SYT16: variants seen among roughly 807,000 people sequenced by gnomAD.
SYT16 encodes the protein synaptotagmin 16.
A neutral mutation model predicts 61.4 loss-of-function variants in SYT16; 42 were observed. That is an observed-to-expected ratio of 0.68 (90% CI 0.53 to 0.89). The LOEUF is 0.89. Among genes scored for constraint, SYT16 ranks in the 40% least tolerant of loss-of-function variants. The pLI is 0.00. For missense variants in SYT16, 804 were observed against 807.3 expected (o/e 1.00, Z 0.05); for synonymous variants, 314 against 302.3 (o/e 1.04, Z -0.40).
chr14:62,058,340 CT>C lies in SYT16; in HGVS notation c.524-11241del, dbSNP rs796187620. ...GTCAAATGTATGTTATGTTTAAATT[CT>C]TTTTTTTTTTTTTTTTTTTTTGAGA... On this transcript the variant is annotated intron_variant, in intron 3 of 7. Coordinates refer to ENST00000683842, the MANE Select transcript of SYT16 (RefSeq NM_001367656.1). 4.3e-3 allele frequency among the ~76,000 whole-genome samples: 469 copies of C among 108,992 alleles called. 2 individuals carry two copies. The highest frequency in any genetic ancestry group is 6.5e-3 in the South Asian group (22 of 3,404). 71.5% of individuals were successfully genotyped at this position (108,992 alleles called of 152,430 possible).
intron 1 of SYT16, among the ~76,000 whole-genome samples, chr14:61,839,162 C>T (rs2046226013): frequency 6.6e-6 from 1 of 152,170 alleles, no homozygotes; most frequent in African/African-American, 2.4e-5. Context: ...GTGTTGGAAA[C>T]GTAATCCCCA....
At chr14:62,050,994 A>T (rs556674035) in intron 3 of SYT16, among the ~76,000 whole-genome samples, 1 of 152,182 alleles carries the variant, frequency 6.6e-6, no homozygotes, top group Non-Finnish European at 1.5e-5. Flanking sequence ...ACTCTCTTCA[A>T]AACTGTCAGA....
intron 1 of SYT16, among the ~76,000 whole-genome samples, chr14:61,894,658 C>T (rs758582499): frequency 1.2e-4 from 19 of 152,032 alleles, no homozygotes; most frequent in Non-Finnish European, 2.4e-4. Context: ...ACAAGTGTGC[C>T]GCTAGGTGGC....
At chr14:62,087,099 T>A (rs1275817318) in intron 7 of SYT16, among the ~76,000 whole-genome samples, 1 of 152,230 alleles carries the variant, frequency 6.6e-6, no homozygotes, top group Non-Finnish European at 1.5e-5. Context: ...ATTATGGCAC[T>A]CACACTACTT....
chr14:61,915,079 G>T (rs936589974), intron 1 of SYT16, among the ~76,000 whole-genome samples: 7 of 151,984 alleles, frequency 4.6e-5, no homozygotes, highest in African/African-American at 1.7e-4. Context: ...TTTTTTTCAT[G>T]GATTTGTAGT....
intron 1 of SYT16, among the ~76,000 whole-genome samples, chr14:61,865,970 A>G (rs534618948): frequency 5.1e-4 from 78 of 152,326 alleles, no homozygotes; most frequent in African/African-American, 1.8e-3. Context: ...CTGTTTACTT[A>G]AGAAATTATT....
chr14:61,817,308 C>T (rs1232337836), intron 1 of SYT16, among the ~76,000 whole-genome samples: 1 of 151,222 alleles, frequency 6.6e-6, no homozygotes, highest in Non-Finnish European at 1.5e-5. Context: ...ATCCCAGCTA[C>T]TTGGGAGGCG....
rs2057529972 is a variant in SYT16 at position 62,107,233 on chromosome 14, A to T, written c.*6526A>T. On this transcript the variant is annotated 3_prime_UTR_variant, in exon 8 of 8. Transcript: ENST00000683842. ...AGAACAGCTTGCGTCCAGGATTTCTAGTCCAGCCTGGGCAACATAGTGAGA... is the reference window on the plus strand; with the variant it reads ...AGAACAGCTTGCGTCCAGGATTTCTTGTCCAGCCTGGGCAACATAGTGAGA... The T allele has an allele frequency of 6.6e-6, 1 of 152,126 alleles. No individual in the cohort carries two copies. Among genetic ancestry groups the T allele is most frequent in the Non-Finnish European group, 1.5e-5 (1 of 68,076 alleles). The allele number at this position is 152,126 out of a possible 1,614,324, so 9.4% of individuals were successfully genotyped here. A position where few individuals can be genotyped will look rare whatever the true frequency, so the allele number is the denominator to read the frequency against.
chr14:61,833,114 G>A (rs1243448022), intron 1 of SYT16, among the ~76,000 whole-genome samples: 1 of 152,050 alleles, frequency 6.6e-6, no homozygotes, highest in Non-Finnish European at 1.5e-5. Context: ...CTGTAAGGAC[G>A]GAGATTTTCA....
chr14:61,851,467 G>A (rs1202071174), intron 1 of SYT16, among the ~76,000 whole-genome samples: 1 of 150,764 alleles, frequency 6.6e-6, no homozygotes, highest in African/African-American at 2.4e-5. Context: ...CTGCCTCTAG[G>A]TCTTTGAGGA....
chr14:61,818,888 T>A (rs2045528968), intron 1 of SYT16, among the ~76,000 whole-genome samples: 1 of 152,212 alleles, frequency 6.6e-6, no homozygotes, highest in African/African-American at 2.4e-5. Context: ...CTCCTGTTTT[T>A]AAACCAAGAA....
chr14:62,004,385 C>T (rs1251114586), intron 3 of SYT16, among the ~76,000 whole-genome samples: 1 of 152,114 alleles, frequency 6.6e-6, no homozygotes, highest in Non-Finnish European at 1.5e-5. Context: ...TCACCTCCCA[C>T]CTTGTCCCTC....
chr14:61,993,984 C>A (rs928725455), intron 2 of SYT16, among the ~76,000 whole-genome samples: 17 of 152,070 alleles, frequency 1.1e-4, no homozygotes, highest in Non-Finnish European at 1.5e-5. Flanking sequence ...CAGGTGTAAA[C>A]CTCATATAAA....
chr14:62,041,086 C>T (rs759682575), intron 3 of SYT16, among the ~76,000 whole-genome samples: 21 of 152,122 alleles, frequency 1.4e-4, no homozygotes, highest in Admixed American at 7.2e-4. Context: ...AGGAAGCATC[C>T]GGCATGGGAG....
intron 3 of SYT16, among the ~76,000 whole-genome samples, chr14:62,025,059 A>C (rs952125181): frequency 2.0e-5 from 3 of 152,148 alleles, no homozygotes; most frequent in Admixed American, 1.3e-4. Context: ...GGTTGCTTCT[A>C]AATTTTGGCA....
intron 1 of SYT16, among the ~76,000 whole-genome samples, chr14:61,913,518 T>C (rs187273212): frequency 6.6e-6 from 1 of 152,316 alleles, no homozygotes; most frequent in Admixed American, 6.5e-5. Flanking sequence ...AGAATGCTAA[T>C]GCATACTGAT....
chr14:62,029,348 T>A (rs542953056), intron 3 of SYT16, among the ~76,000 whole-genome samples: 1 of 152,274 alleles, frequency 6.6e-6, no homozygotes, highest in Admixed American at 6.5e-5. Flanking sequence ...GAAAAGGAGA[T>A]AGAAAGAGCA....
intron 3 of SYT16, among the ~76,000 whole-genome samples, chr14:62,063,744 C>T (rs181882842): frequency 6.6e-6 from 1 of 152,034 alleles, no homozygotes; most frequent in Admixed American, 6.6e-5. Flanking sequence ...AACACTCTGG[C>T]TTCATAGCAA....
At chr14:62,000,851 A>C (rs1485824671) in intron 3 of SYT16, among the ~76,000 whole-genome samples, 1 of 152,016 alleles carries the variant, frequency 6.6e-6, no homozygotes, top group Non-Finnish European at 1.5e-5. Context: ...TGTTTTATTG[A>C]TGTCATATAT....
Sources: gnomAD v4.1 joint callset for allele counts (sites outside exome capture counted in the v4.1 genomes callset) on GRCh38, gnomAD v4.1.1 for gene constraint, MANE v1.5 for transcripts, NCBI Gene and HGNC (gene_info 2026-07-23, HGNC 2026-07-21) for gene names.